The following DLGAP2 variants were observed in gnomAD, a reference collection of about 807,000 sequenced individuals.
DLGAP2 encodes DLG associated protein 2.
Under a neutral mutation model 100.3 loss-of-function variants are expected in DLGAP2, and 26 were observed. The observed-to-expected ratio is 0.26, with a 90% confidence interval of 0.19 to 0.36. The LOEUF is 0.36. Ranked by LOEUF, DLGAP2 falls within the 10% of genes least tolerant of loss-of-function variation. The pLI is 1.00. For missense variants in DLGAP2, 1,858 were observed against 1,453.2 expected, an observed-to-expected ratio of 1.28 and a Z score of -4.53; for synonymous variants, 886 against 630.1, an observed-to-expected ratio of 1.41 and a Z score of -6.08.
At chr8:883,739 G>A (rs930089487) in intron 1 of DLGAP2, among the ~76,000 whole-genome samples, 2 of 152,190 alleles carry the variant, frequency 1.3e-5, no homozygotes, top group African/African-American at 4.8e-5. Flanking sequence ...GAGCGCGGGT[G>A]CTGTGGTGGT....
chr8:1,202,832 C>T (rs1458475031), intron 2 of DLGAP2, among the ~76,000 whole-genome samples: 1 of 152,196 alleles, frequency 6.6e-6, no homozygotes, highest in Non-Finnish European at 1.5e-5. Flanking sequence ...AGATGCAGCT[C>T]GAGGAAAAAG....
At chr8:1,043,026 G>A (rs1380580786) in intron 2 of DLGAP2, among the ~76,000 whole-genome samples, 1 of 145,386 alleles carries the variant, frequency 6.9e-6, no homozygotes, top group Admixed American at 6.8e-5. Flanking sequence ...GGGTGTGGGT[G>A]GTGGATGTGG....
chr8:1,204,176 T>C (rs1797942183), intron 2 of DLGAP2, among the ~76,000 whole-genome samples: 1 of 152,118 alleles, frequency 6.6e-6, no homozygotes, highest in Non-Finnish European at 1.5e-5. Context: ...AGTGAGGGGG[T>C]AAGTCACACC....
intron 3 of DLGAP2, among the ~76,000 whole-genome samples, chr8:1,291,734 T>A (rs1008085017): frequency 6.6e-6 from 1 of 152,138 alleles, no homozygotes; most frequent in Non-Finnish European, 1.5e-5. Context: ...TGTTCCAGTG[T>A]GCTTTGGACC....
At position 1,434,730 on chromosome 8, in the gene DLGAP2, C is replaced by A. The variant is rs1219527603; in HGVS notation, c.107-66636C>A. Among the ~76,000 whole-genome samples, 3 of 152,320 alleles carry A rather than the reference C, an allele frequency of 2.0e-5. No homozygotes were observed. The East Asian group carries it at 5.8e-4, about 29-fold the overall frequency. Reference sequence around the variant, plus strand: ...ACTCAGGCAATCTTCCAGCCTTTGTCTTCCAAAGTGCTGGGATTACAGGCT... The same window carrying A: ...ACTCAGGCAATCTTCCAGCCTTTGTATTCCAAAGTGCTGGGATTACAGGCT... On this transcript the variant is annotated intron_variant, in intron 3 of 14. Coordinates refer to ENST00000637795, the MANE Select transcript of DLGAP2 (RefSeq NM_001346810.2).
intron 2 of DLGAP2, among the ~76,000 whole-genome samples, chr8:1,202,684 A>T (rs532905185): frequency 4.1e-4 from 63 of 152,244 alleles, no homozygotes; most frequent in African/African-American, 1.5e-3. Context: ...TCAAGGCAGC[A>T]AGTGGGGCCC....
chr8:1,644,075 C>G (rs1392244727), intron 8 of DLGAP2, among the ~76,000 whole-genome samples: 2 of 108,224 alleles, frequency 1.8e-5, no homozygotes, highest in Admixed American at 2.0e-4. Flanking sequence ...GTGTCACCCT[C>G]GACCCCGCCG....
At chr8:1,424,968 A>G (rs1376187520) in intron 3 of DLGAP2, among the ~76,000 whole-genome samples, 3 of 151,968 alleles carry the variant, frequency 2.0e-5, no homozygotes, top group Non-Finnish European at 1.5e-5. Context: ...CTGCACAACA[A>G]TGAGAAAGTG....
At chr8:1,149,039 T>A (rs556590897) in intron 2 of DLGAP2, among the ~76,000 whole-genome samples, 1 of 152,242 alleles carries the variant, frequency 6.6e-6, no homozygotes, top group Non-Finnish European at 1.5e-5. Flanking sequence ...TGCTTTTGAT[T>A]CTGTCAATTT....
rs371103261 is a variant in DLGAP2 at position 1,019,892 on chromosome 8, C to T, written c.73+111926C>T. ...AGGCAGCAGTGGTAGCGTTCCCTTC[C>T]GGGATGGCCTGTGTGTGTGTGAATG... On this transcript the variant is annotated intron_variant, in intron 2 of 14. Transcript: ENST00000637795. Among the ~76,000 whole-genome samples, 150 of 152,210 alleles carry T rather than the reference C, an allele frequency of 9.9e-4. 1 individual carries two copies. The highest frequency in any genetic ancestry group is 3.4e-3 in the African/African-American group (140 of 41,528).
intron 2 of DLGAP2, among the ~76,000 whole-genome samples, chr8:928,789 AGG>A (rs1798876117): frequency 6.6e-6 from 1 of 151,968 alleles, no homozygotes; most frequent in African/African-American, 2.4e-5. Flanking sequence ...TCGAGTTAGA[AGG>A]GACTCGAGGA....
At chr8:888,216 C>G (rs916172970) in intron 1 of DLGAP2, among the ~76,000 whole-genome samples, 13 of 152,160 alleles carry the variant, frequency 8.5e-5, no homozygotes, top group Non-Finnish European at 1.6e-4. Flanking sequence ...AGTTCTCGTG[C>G]TGTGTTTTTC....
At chr8:1,159,099 G>A (rs1188326905) in intron 2 of DLGAP2, among the ~76,000 whole-genome samples, 6 of 152,316 alleles carry the variant, frequency 3.9e-5, no homozygotes, top group Middle Eastern at 3.4e-3. Context: ...AGGGAAGAAC[G>A]TAGACCTGGT....
chr8:916,783 C>T (rs1162086529), intron 2 of DLGAP2, among the ~76,000 whole-genome samples: 1 of 152,214 alleles, frequency 6.6e-6, no homozygotes, highest in Non-Finnish European at 1.5e-5. Context: ...ATTTGTTGGG[C>T]AGTGGAAGTG....
Position 1,296,395 on chromosome 8 carries a change from C to G in DLGAP2, c.106+37512C>G, listed in dbSNP as rs149676034. Among the ~76,000 whole-genome samples, 179 of 152,274 alleles carry G rather than the reference C, an allele frequency of 1.2e-3. 3 individuals are homozygous for G. The highest frequency in any genetic ancestry group is 4.0e-3 in the African/African-American group (166 of 41,558). ...CACGCTGGCTGCATGTGCCTTGTAA[C>G]TTCCAAAAACAAAATATGTCATGAT... On this transcript the variant is annotated intron_variant, in intron 3 of 14. Coordinates refer to ENST00000637795, the MANE Select transcript of DLGAP2 (RefSeq NM_001346810.2).
intron 1 of DLGAP2, among the ~76,000 whole-genome samples, chr8:858,877 A>G (rs1378354669): frequency 6.6e-6 from 1 of 152,208 alleles, no homozygotes; most frequent in Non-Finnish European, 1.5e-5. Flanking sequence ...TCGTGTAATC[A>G]GTGGACTTAA....
chr8:754,927 C>G (rs994687448), intron 1 of DLGAP2, among the ~76,000 whole-genome samples: 1 of 152,304 alleles, frequency 6.6e-6, no homozygotes, highest in Admixed American at 6.5e-5. Flanking sequence ...GGTAAATCAT[C>G]CTAGCAATTT....
intron 6 of DLGAP2, among the ~76,000 whole-genome samples, chr8:1,597,371 T>A (rs1415848370): frequency 9.7e-6 from 1 of 102,844 alleles, no homozygotes; most frequent in Non-Finnish European, 2.1e-5. Context: ...CATATGAAAT[T>A]TAAAGTAGTT....
chr8:782,992 C>G (rs1313811006), intron 1 of DLGAP2, among the ~76,000 whole-genome samples: 6 of 152,326 alleles, frequency 3.9e-5, no homozygotes, highest in East Asian at 1.9e-4. Flanking sequence ...GTCTGCAGCA[C>G]TTCGTGAGAT....
Sources: gnomAD v4.1 joint callset for allele counts (sites outside exome capture counted in the v4.1 genomes callset) on GRCh38, gnomAD v4.1.1 for gene constraint, MANE v1.5 for transcripts, NCBI Gene and HGNC (gene_info 2026-07-23, HGNC 2026-07-21) for gene names.